PPP6R2: variants seen among roughly 807,000 people sequenced by gnomAD.
PPP6R2 encodes serine/threonine-protein phosphatase 6 regulatory subunit 2.
A neutral mutation model predicts 100.2 loss-of-function variants in PPP6R2; 62 were observed. The ratio of observed to expected loss-of-function variants is 0.62; its 90% CI spans 0.50 to 0.76. The LOEUF (loss-of-function observed/expected upper bound fraction) is 0.76. Among genes scored for constraint, PPP6R2 ranks in the 30% least tolerant of loss-of-function variants. PPP6R2 has a pLI of 0.00. For missense variants in PPP6R2, 1,142 were observed against 1,276.3 expected (o/e 0.89, Z 1.60); for synonymous variants, 525 against 514.7 (o/e 1.02, Z -0.27).
intron 1 of PPP6R2, among the ~76,000 whole-genome samples, chr22:50,363,731 G>C (rs1042096497): frequency 6.6e-6 from 1 of 152,134 alleles, no homozygotes; most frequent in African/African-American, 2.4e-5. Flanking sequence ...ACCATTCAGC[G>C]TGCTCCAGGG....
At chr22:50,375,366 G>A (rs1365905462) in intron 2 of PPP6R2, among the ~76,000 whole-genome samples, 1 of 152,174 alleles carries the variant, frequency 6.6e-6, no homozygotes, top group Non-Finnish European at 1.5e-5. Context: ...AAACACCATA[G>A]AATGGGGTCT....
At chr22:50,362,340 C>G (rs73188930) in intron 1 of PPP6R2, among the ~76,000 whole-genome samples, 21,737 of 152,212 alleles carry the variant, frequency 0.14, 1,873 homozygotes, top group South Asian at 0.21. Flanking sequence ...AGCCATCTCT[C>G]GGGGCTGTGT....
the PPP6R2 span, among the ~76,000 whole-genome samples, chr22:50,331,395 G>C: frequency 2.0e-5 from 3 of 152,022 alleles, no homozygotes; most frequent in Non-Finnish European, 4.4e-5. Flanking sequence ...TTTCCGAACA[G>C]TTTTACATTT....
rs150892323 is a variant in PPP6R2 at position 50,392,449 on chromosome 22, A to G, written c.-16-1444A>G. Among the ~76,000 whole-genome samples the G allele has an allele frequency of 2.7e-3, 405 of 152,270 alleles. 1 individual carries two copies. Among genetic ancestry groups the G allele is most frequent in the African/African-American group, 9.3e-3 (386 of 41,558 alleles). On this transcript the variant is annotated intron_variant, in intron 2 of 23. Transcript: ENST00000612753. The stretch of plus-strand genomic sequence containing the variant: ...AAAGCAGCTTCATTTTGGGGCCTCA[A>G]GAGCTCCAGCTCTGGGCTCTTCACC...
At chr22:50,397,367 C>T (rs545846190) in intron 3 of PPP6R2, among the ~76,000 whole-genome samples, 75 of 152,118 alleles carry the variant, frequency 4.9e-4, no homozygotes, top group Non-Finnish European at 8.8e-4. Context: ...AGAGGGAAGT[C>T]GGGTGGTGGG....
intron 21 of PPP6R2, 22 bp downstream of exon 21, chr22:50,440,071 G>A (rs768816035): frequency 1.3e-5 from 20 of 1,597,896 alleles, no homozygotes; most frequent in East Asian, 6.7e-5. Context: ...CAGTGCAGGC[G>A]GCACCCAGCC....
At chr22:50,382,740 GTTC>G (rs956820095) in intron 2 of PPP6R2, among the ~76,000 whole-genome samples, 2 of 151,932 alleles carry the variant, frequency 1.3e-5, no homozygotes, top group African/African-American at 4.8e-5. Flanking sequence ...TGTTATACCA[GTTC>G]TTCTCCAACT....
chr22:50,370,524 T>C (rs2049897522), intron 1 of PPP6R2, among the ~76,000 whole-genome samples: 1 of 152,164 alleles, frequency 6.6e-6, no homozygotes, highest in Non-Finnish European at 1.5e-5. Context: ...CCTGACCTCG[T>C]GATCCACCCG....
intron 8 of PPP6R2, among the ~76,000 whole-genome samples, chr22:50,420,724 C>T (rs1185850418): frequency 1.3e-5 from 2 of 152,144 alleles, no homozygotes; most frequent in Non-Finnish European, 2.9e-5. Flanking sequence ...GTGGTTGGCC[C>T]GCCAGGTGCC....
intron 1 of PPP6R2, among the ~76,000 whole-genome samples, chr22:50,360,865 C>T (rs2047650598): frequency 6.6e-6 from 1 of 152,172 alleles, no homozygotes; most frequent in Non-Finnish European, 1.5e-5. Flanking sequence ...GTTTTCTCTG[C>T]TAGACGTCAG....
At chr22:50,378,941 C>T (rs905965309) in intron 2 of PPP6R2, among the ~76,000 whole-genome samples, 3 of 151,554 alleles carry the variant, frequency 2.0e-5, no homozygotes, top group Admixed American at 1.3e-4. Flanking sequence ...GGGCTCCACT[C>T]TCATGAATGG....
Position 50,361,694 on chromosome 22 carries a change from A to C in PPP6R2, c.-147-10326A>C, listed in dbSNP as rs553050090. ...TGTCTTCCTTTGACCCAGGACCCAG[A>C]GTATGCCCTGCTCGTCTGCCTTTGA... On this transcript the variant is annotated intron_variant, in intron 1 of 23. Transcript: ENST00000612753. Among the ~76,000 whole-genome samples, 8 of 151,988 alleles carry C rather than the reference A, an allele frequency of 5.3e-5. No individual in the cohort carries two copies. In the South Asian group the frequency reaches 1.7e-3, roughly 32 times the overall value.
Position 50,435,051 on chromosome 22 carries a change from G to A in PPP6R2, c.1486G>A (p.Val496Met), listed in dbSNP as rs1266735611. Residue 496 changes from valine (V) to methionine (M), a missense_variant, in exon 13 of 24, where the codon GTG becomes ATG. Val to Met is a conservative substitution (Grantham distance 21, BLOSUM62 1). Coordinates refer to ENST00000612753, the MANE Select transcript of PPP6R2 (RefSeq NM_001242898.2). The stretch of plus-strand genomic sequence containing the variant: ...GGTGCAGAACCTGGAGCGGGGCCCT[G>A]TGCAGACGCACATCAGCGAGGTCAT... ...AVVQNLERGPVQTHISEVIRG... is the reference protein window; with the variant it reads ...AVVQNLERGPMQTHISEVIRG... 4 of 1,583,696 alleles carry A rather than the reference G, an allele frequency of 2.5e-6. No homozygotes were observed. The highest frequency in any genetic ancestry group is 1.8e-5 in the Admixed American group (1 of 56,978).
Position 50,438,716 on chromosome 22 carries a change from G to C in PPP6R2, c.2082G>C (p.Pro694=). ...ATGCACCTGGGGCAGGTGCCCCACC[G>C]GCCCCCGGGAAGAAGGAAGCGCCCC... ...HRDAPGAGAP[P]APGKKEAPPV... Residue 694 remains proline, a synonymous_variant, in exon 19 of 24, where the codon CCG becomes CCC. Transcript: ENST00000612753. 1 of 1,612,816 alleles carries C rather than the reference G, an allele frequency of 6.2e-7. No homozygotes were observed. Among genetic ancestry groups the C allele is most frequent in the Non-Finnish European group, 8.5e-7 (1 of 1,179,514 alleles).
At chr22:50,376,688 T>A (rs1260958548) in intron 2 of PPP6R2, among the ~76,000 whole-genome samples, 1 of 152,026 alleles carries the variant, frequency 6.6e-6, no homozygotes, top group Non-Finnish European at 1.5e-5. Flanking sequence ...CCTCCTAAAG[T>A]ACTGGAATTA....
At chr22:50,413,218 C>T (rs977721150) in intron 4 of PPP6R2, among the ~76,000 whole-genome samples, 11 of 152,180 alleles carry the variant, frequency 7.2e-5, no homozygotes, top group Non-Finnish European at 7.3e-5. Flanking sequence ...CCACCTCGGC[C>T]TCCCAAAGTG....
chr22:50,371,756 C>T (rs976966383), intron 1 of PPP6R2, among the ~76,000 whole-genome samples: 1 of 152,140 alleles, frequency 6.6e-6, no homozygotes, highest in African/African-American at 2.4e-5. Flanking sequence ...CCCGCCTCAG[C>T]CTCCCGAGTA....
Position 50,418,950 on chromosome 22 carries a change from G to A in PPP6R2, c.702G>A (p.Glu234=), listed in dbSNP as rs777655069. The A allele has an allele frequency of 3.1e-6, 5 of 1,613,860 alleles. No individual in the cohort carries two copies. Among genetic ancestry groups the A allele is most frequent in the Non-Finnish European group, 4.2e-6 (5 of 1,179,762 alleles). Residue 234 remains glutamate (E), a synonymous_variant, in exon 7 of 24, where the codon GAG becomes GAA. Coordinates refer to ENST00000612753, the MANE Select transcript of PPP6R2 (RefSeq NM_001242898.2). ...GCAGTCAGCTGCAAGAGGCTCTGGA[G>A]CCAGACCCGCTCCTCACAGCGCTGG... is the stretch of plus-strand genomic sequence containing the variant. ...DQGSQLQEAL[E]PDPLLTALES...
chr22:50,416,785 G>A (rs1162207213), intron 6 of PPP6R2, among the ~76,000 whole-genome samples: 1 of 151,772 alleles, frequency 6.6e-6, no homozygotes, highest in Non-Finnish European at 1.5e-5. Flanking sequence ...CCAACGTGGC[G>A]AAACCCTGTC....
Sources: gnomAD v4.1 joint callset for allele counts (sites outside exome capture counted in the v4.1 genomes callset) on GRCh38, gnomAD v4.1.1 for gene constraint, MANE v1.5 for transcripts, NCBI Gene and HGNC (gene_info 2026-07-23, HGNC 2026-07-21) for gene names.